GRXCR1: variants seen among roughly 807,000 people sequenced by gnomAD.
The protein encoded by GRXCR1 is glutaredoxin domain-containing cysteine-rich protein 1.
GRXCR1 carries 27 observed loss-of-function variants against 27.3 expected under a neutral mutation model. The ratio of observed to expected loss-of-function variants is 0.99; its 90% CI spans 0.73 to 1.37. GRXCR1 has a LOEUF of 1.37. GRXCR1 is among the 40% of genes most tolerant of loss of function. The pLI is 0.00. For synonymous variants in GRXCR1, 122 were observed against 131.1 expected (o/e 0.93, Z 0.47); for missense variants, 379 against 354.4 (o/e 1.07, Z -0.56).
chr4:43,023,471 C>T (rs968237312), intron 3 of GRXCR1, among the ~76,000 whole-genome samples: 1 of 152,158 alleles, frequency 6.6e-6, no homozygotes. Context: ...GAAGCTGAGT[C>T]GATCTGATTT....
Position 43,015,934 on chromosome 4 carries a change from G to T in GRXCR1, c.628-4420G>T, listed in dbSNP as rs541595651. Among the ~76,000 whole-genome samples the T allele has an allele frequency of 4.6e-5, 7 of 152,180 alleles. No individual in the cohort carries two copies. In the South Asian group the frequency reaches 1.4e-3, roughly 32 times the overall value. ...ATAGTTTCAAATGTTGATGTCCCAT[G>T]TGGAATTCCAGACCCTGGATATCCG... On this transcript the variant is annotated intron_variant, in intron 2 of 3. Coordinates refer to ENST00000399770, the MANE Select transcript of GRXCR1 (RefSeq NM_001080476.3).
intron 2 of GRXCR1, among the ~76,000 whole-genome samples, chr4:42,969,527 G>T (rs1005188129): frequency 3.9e-5 from 6 of 152,122 alleles, no homozygotes; most frequent in Non-Finnish European, 7.4e-5. Context: ...GGGAAAGCAA[G>T]CATGTCTTTA....
rs922764640 is a variant in GRXCR1, at chr4:42,904,182, C to T, written c.384+10532C>T. On this transcript the variant is annotated intron_variant, in intron 1 of 3. Coordinates refer to ENST00000399770, the MANE Select transcript of GRXCR1 (RefSeq NM_001080476.3). ...TTGGTCCATGGATTCTGGTGTCCAT[C>T]TTCATTGCTACTCCTTCAGTCCATG... 2.0e-5 allele frequency among the ~76,000 whole-genome samples: 3 copies of T among 152,172 alleles called. No homozygotes were observed. In the East Asian group the frequency reaches 5.8e-4, roughly 29 times the overall value.
chr4:42,916,997 T>A (rs1457986547), intron 1 of GRXCR1, among the ~76,000 whole-genome samples: 1 of 152,158 alleles, frequency 6.6e-6, no homozygotes, highest in Non-Finnish European at 1.5e-5. Flanking sequence ...AATAAACTAT[T>A]ATTTTGCCAT....
intron 1 of GRXCR1, among the ~76,000 whole-genome samples, chr4:42,919,524 G>A (rs1746961386): frequency 6.6e-6 from 1 of 152,104 alleles, no homozygotes; most frequent in South Asian, 2.1e-4. Flanking sequence ...AATCTGGGGT[G>A]TTGTGATTCC....
At chr4:42,985,213 C>T (rs953306226) in intron 2 of GRXCR1, among the ~76,000 whole-genome samples, 35 of 152,222 alleles carry the variant, frequency 2.3e-4, no homozygotes, top group African/African-American at 8.4e-4. Flanking sequence ...CCGGAAAGTC[C>T]TCTTCTGCCA....
At chr4:42,978,543 T>A (rs1748576217) in intron 2 of GRXCR1, among the ~76,000 whole-genome samples, 1 of 152,080 alleles carries the variant, frequency 6.6e-6, no homozygotes, top group Non-Finnish European at 1.5e-5. Flanking sequence ...TTCCAGGTAC[T>A]TTATTTTTGT....
intron 1 of GRXCR1, among the ~76,000 whole-genome samples, chr4:42,920,847 G>T (rs1017519604): frequency 4.0e-5 from 6 of 151,758 alleles, no homozygotes; most frequent in Admixed American, 2.0e-4. Flanking sequence ...CTTCCCTCTG[G>T]TTTTTTTGAT....
rs1010232381 is a variant in GRXCR1, at chr4:43,025,390, A to G, written c.693+4971A>G. The stretch of plus-strand genomic sequence containing the variant: ...TGCCTGGCTAGTGAATACTCAATAT[A>G]TATTTGTGGAATGGAATGAATAAGT... On this transcript the variant is annotated intron_variant, in intron 3 of 3. Transcript: ENST00000399770. Among the ~76,000 whole-genome samples the G allele has an allele frequency of 5.9e-5, 9 of 152,206 alleles. No individual in the cohort carries two copies. The South Asian group carries it at 1.2e-3, about 21-fold the overall frequency.
intron 2 of GRXCR1, among the ~76,000 whole-genome samples, chr4:42,987,301 AAG>A (rs1231246000): frequency 8.1e-6 from 1 of 122,820 alleles, no homozygotes; most frequent in Non-Finnish European, 1.7e-5. Context: ...GAGAGAGAGA[AAG>A]AGAGAGTCTT....
At chr4:43,000,098 C>T (rs1241682014) in intron 2 of GRXCR1, among the ~76,000 whole-genome samples, 1 of 152,210 alleles carries the variant, frequency 6.6e-6, no homozygotes, top group Non-Finnish European at 1.5e-5. Context: ...AAATCTTGCA[C>T]TATCCTGCTT....
rs1420224771 is a variant in GRXCR1, at chr4:42,918,172, A to C, written c.384+24522A>C. 1.8e-4 allele frequency among the ~76,000 whole-genome samples: 28 copies of C among 152,082 alleles called. 1 individual carries two copies. Among genetic ancestry groups the C allele is most frequent in the Admixed American group, 1.8e-3 (28 of 15,256 alleles). ...CTGGTAGTGTCTGGTATCTGCTTCC[A>C]ATATGGCACCTCATCTAGAGGGGAG... On this transcript the variant is annotated intron_variant, in intron 1 of 3. Transcript: ENST00000399770.
chr4:42,920,590 T>C (rs1746986290), intron 1 of GRXCR1, among the ~76,000 whole-genome samples: 1 of 152,062 alleles, frequency 6.6e-6, no homozygotes, highest in African/African-American at 2.4e-5. Flanking sequence ...GGTGCAGAGG[T>C]TCTACTGCAG....
At chr4:42,916,105 A>T (rs1746880809) in intron 1 of GRXCR1, among the ~76,000 whole-genome samples, 1 of 151,850 alleles carries the variant, frequency 6.6e-6, no homozygotes, top group South Asian at 2.1e-4. Context: ...TTCAGAAAAA[A>T]AAAAAAGATT....
At chr4:42,915,084 G>T (rs923234511) in intron 1 of GRXCR1, among the ~76,000 whole-genome samples, 2 of 152,128 alleles carry the variant, frequency 1.3e-5, no homozygotes, top group African/African-American at 4.8e-5. Context: ...GCATGAGAAT[G>T]AACTAATACA....
At chr4:42,896,099 G>T (rs1312106202) in intron 1 of GRXCR1, among the ~76,000 whole-genome samples, 1 of 152,002 alleles carries the variant, frequency 6.6e-6, no homozygotes, top group Non-Finnish European at 1.5e-5. Flanking sequence ...AACCTTAAAC[G>T]TGAAAGAAAA....
At chr4:42,914,238 A>G (rs1746834565) in intron 1 of GRXCR1, among the ~76,000 whole-genome samples, 1 of 152,208 alleles carries the variant, frequency 6.6e-6, no homozygotes, top group Non-Finnish European at 1.5e-5. Flanking sequence ...AAAAGTGGAA[A>G]CACTCAACAT....
intron 1 of GRXCR1, among the ~76,000 whole-genome samples, chr4:42,922,123 T>A (rs1472302026): frequency 6.6e-6 from 1 of 152,156 alleles, no homozygotes; most frequent in Non-Finnish European, 1.5e-5. Flanking sequence ...TTAAATAAAA[T>A]ATGTTCCATG....
intron 1 of GRXCR1, among the ~76,000 whole-genome samples, chr4:42,955,560 T>G (rs1046951254): frequency 1.3e-5 from 2 of 152,154 alleles, no homozygotes; most frequent in Non-Finnish European, 2.9e-5. Flanking sequence ...CTCTGTCTCC[T>G]TGTCAAGGAT....
Sources: gnomAD v4.1 joint callset for allele counts (sites outside exome capture counted in the v4.1 genomes callset) on GRCh38, gnomAD v4.1.1 for gene constraint, MANE v1.5 for transcripts, NCBI Gene and HGNC (gene_info 2026-07-23, HGNC 2026-07-21) for gene names.